Variants in GPHN observed in about 807,000 individuals in gnomAD.
GPHN encodes the protein gephyrin.
Under a neutral mutation model 95.5 loss-of-function variants are expected in GPHN, and 17 were observed. That is an observed-to-expected ratio of 0.18 (90% confidence interval 0.12 to 0.27). The LOEUF (loss-of-function observed/expected upper bound fraction) is 0.27. Ranked by LOEUF, GPHN falls within the 10% of genes least tolerant of loss-of-function variation. The pLI is 1.00. For synonymous variants in GPHN, 320 were observed against 322.5 expected (o/e 0.99, Z 0.08); for missense variants, 660 against 978.1 (o/e 0.67, Z 4.34).
chr14:67,265,117 TA>T, the GPHN span, among the ~76,000 whole-genome samples: 1 of 152,258 alleles, frequency 6.6e-6, no homozygotes, highest in Non-Finnish European at 1.5e-5. Flanking sequence ...AGTTTGTTTT[TA>T]AGCTATGAAA....
At chr14:67,331,233 C>T in the GPHN span, among the ~76,000 whole-genome samples, 6 of 151,894 alleles carry the variant, frequency 4.0e-5, no homozygotes, top group Admixed American at 3.3e-4. Context: ...TTAATAGAGA[C>T]GGGGTTTTGC....
the GPHN span, among the ~76,000 whole-genome samples, chr14:67,491,895 G>C: frequency 3.3e-5 from 5 of 152,320 alleles, no homozygotes; most frequent in South Asian, 8.3e-4. Context: ...CCCAGGCCGC[G>C]GGGGCCTGCC....
chr14:66,827,996 G>A (rs1411982535), intron 4 of GPHN, among the ~76,000 whole-genome samples: 1 of 151,820 alleles, frequency 6.6e-6, no homozygotes, highest in Non-Finnish European at 1.5e-5. Context: ...ACCTATAGCA[G>A]CTACATAGTT....
the GPHN span, among the ~76,000 whole-genome samples, chr14:67,219,673 G>A: frequency 0.018 from 2,752 of 152,230 alleles, 35 homozygotes; most frequent in Non-Finnish European, 0.028. Flanking sequence ...GATAAAAAAT[G>A]AATCCCTAAA....
intron 11 of GPHN, among the ~76,000 whole-genome samples, chr14:67,075,366 G>A (rs903318402): frequency 7.9e-5 from 12 of 152,078 alleles, no homozygotes; most frequent in Non-Finnish European, 1.0e-4. Context: ...TATTGATATT[G>A]CATCTAGTCA....
At chr14:67,725,986 G>C in the GPHN span, 1 of 1,061,730 alleles carries the variant, frequency 9.4e-7, no homozygotes, top group African/African-American at 1.6e-5. Context: ...CAATTATGCA[G>C]GTCTGTTACA....
chr14:67,244,140 T>A, the GPHN span, among the ~76,000 whole-genome samples: 1 of 152,232 alleles, frequency 6.6e-6, no homozygotes, highest in African/African-American at 2.4e-5. Context: ...AACTACTAAC[T>A]GCAATTCATT....
the GPHN span, among the ~76,000 whole-genome samples, chr14:67,261,358 G>C: frequency 6.6e-6 from 1 of 152,104 alleles, no homozygotes; most frequent in Non-Finnish European, 1.5e-5. Flanking sequence ...TAAGGTAGTG[G>C]CATGAGAAGG....
chr14:67,403,839 C>A, the GPHN span, among the ~76,000 whole-genome samples: 1 of 152,088 alleles, frequency 6.6e-6, no homozygotes, highest in East Asian at 1.9e-4. Context: ...ATCTCCTGAG[C>A]CCAGGAGTTC....
chr14:67,722,530 C>T, the GPHN span: 16 of 862,252 alleles, frequency 1.9e-5, 1 homozygote, highest in Middle Eastern at 1.2e-3. Context: ...CGGAGAGGAG[C>T]AGAGAAGCAG....
At chr14:66,517,603 A>G (rs2058301077) in intron 1 of GPHN, among the ~76,000 whole-genome samples, 1 of 152,238 alleles carries the variant, frequency 6.6e-6, no homozygotes, top group South Asian at 2.1e-4. Flanking sequence ...CACATAGACC[A>G]AAGGAACAGA....
the GPHN span, among the ~76,000 whole-genome samples, chr14:67,529,443 G>C: frequency 6.6e-6 from 1 of 152,150 alleles, no homozygotes; most frequent in Non-Finnish European, 1.5e-5. Context: ...AAAATAGCAA[G>C]TATTCAATAG....
chr14:67,307,366 G>T, the GPHN span, among the ~76,000 whole-genome samples: 1 of 152,080 alleles, frequency 6.6e-6, no homozygotes, highest in Non-Finnish European at 1.5e-5. Flanking sequence ...TTTTCATTTA[G>T]TCTAATGCCA....
At chr14:66,951,245 C>T (rs2068091228) in intron 8 of GPHN, among the ~76,000 whole-genome samples, 1 of 151,996 alleles carries the variant, frequency 6.6e-6, no homozygotes, top group Admixed American at 6.6e-5. Context: ...AAGGGCCAGG[C>T]ACAGTGGCTA....
intron 13 of GPHN, among the ~76,000 whole-genome samples, chr14:67,101,358 A>G (rs2077688572): frequency 6.6e-6 from 1 of 152,134 alleles, no homozygotes; most frequent in African/African-American, 2.4e-5. Context: ...AGGTTTACAT[A>G]TATTTTTATT....
chr14:67,171,168 GC>G, intron 21 of GPHN, among the ~76,000 whole-genome samples: 1 of 151,796 alleles, frequency 6.6e-6, no homozygotes, highest in East Asian at 1.9e-4. Flanking sequence ...GGGCAACATA[GC>G]AACACCCTGC....
intron 9 of GPHN, among the ~76,000 whole-genome samples, chr14:66,983,017 C>T (rs539938929): frequency 1.3e-5 from 2 of 152,004 alleles, no homozygotes; most frequent in South Asian, 2.1e-4. Context: ...TTTGGGAGGC[C>T]GAGGCAGGCG....
chr14:67,459,547 C>T, the GPHN span, among the ~76,000 whole-genome samples: 2 of 152,224 alleles, frequency 1.3e-5, no homozygotes, highest in African/African-American at 2.4e-5. Context: ...ATGCAGGTCA[C>T]ACCCTGATAC....
chr14:66,911,534 T>C (rs1030686457), intron 5 of GPHN, among the ~76,000 whole-genome samples: 6 of 152,020 alleles, frequency 3.9e-5, no homozygotes, highest in Admixed American at 2.6e-4. Context: ...AGGCACGCAG[T>C]ACTCTTTGAA....
Sources: allele counts gnomAD v4.1 joint callset (sites outside exome capture counted in the v4.1 genomes callset), GRCh38; gene constraint gnomAD v4.1.1; transcripts MANE v1.5; gene names NCBI Gene and HGNC (gene_info 2026-07-23, HGNC 2026-07-21).